The following BORCS5 variants were observed in gnomAD, a reference collection of about 807,000 sequenced individuals.
BORCS5 encodes the protein BLOC-1-related complex subunit 5.
A neutral mutation model predicts 22.1 loss-of-function variants in BORCS5; 17 were observed. The ratio of observed to expected loss-of-function variants is 0.77; its 90% CI spans 0.53 to 1.15. The LOEUF (loss-of-function observed/expected upper bound fraction) is 1.15, where lower values mean the gene tolerates loss of function less well. BORCS5 is among the 50% of genes most tolerant of loss of function. The pLI, the probability that BORCS5 is intolerant of heterozygous loss-of-function variation, is 0.00. For synonymous variants in BORCS5, 117 were observed against 99.8 expected (o/e 1.17, Z -1.03); for missense variants, 247 against 253.2 (o/e 0.98, Z 0.17).
intron 2 of BORCS5, among the ~76,000 whole-genome samples, chr12:12,398,202 G>A (rs1228109520): frequency 6.6e-6 from 1 of 152,172 alleles, no homozygotes; most frequent in Admixed American, 6.5e-5. Context: ...CTGAGCAAAC[G>A]TTTTGGGAGA....
intron 2 of BORCS5, among the ~76,000 whole-genome samples, chr12:12,378,714 T>C (rs1424418923): frequency 6.6e-6 from 1 of 151,202 alleles, no homozygotes; most frequent in African/African-American, 2.4e-5. Flanking sequence ...TGTAGTTTAG[T>C]TGATTATATT....
chr12:12,387,081 T>G (rs1565854214), intron 2 of BORCS5, among the ~76,000 whole-genome samples: 1 of 151,352 alleles, frequency 6.6e-6, no homozygotes, highest in Non-Finnish European at 1.5e-5. Context: ...TTGTTAAGAC[T>G]GGTCTCAAAC....
At chr12:12,393,188 T>C (rs910768274) in intron 2 of BORCS5, among the ~76,000 whole-genome samples, 5 of 152,034 alleles carry the variant, frequency 3.3e-5, no homozygotes, top group Non-Finnish European at 5.9e-5. Flanking sequence ...TGAGCCGAGA[T>C]TGTGCTGCTG....
intron 2 of BORCS5, among the ~76,000 whole-genome samples, chr12:12,392,740 G>C (rs1468637062): frequency 6.6e-6 from 1 of 152,112 alleles, no homozygotes; most frequent in East Asian, 1.9e-4. Flanking sequence ...AATTATTATA[G>C]AAAGTTCTTT....
At position 12,357,249 on chromosome 12, in the gene BORCS5, G is replaced by C. The variant is rs1464541171; in HGVS notation, c.-203G>C. On this transcript the variant is annotated 5_prime_UTR_variant, in exon 1 of 4. Coordinates refer to ENST00000314565, the MANE Select transcript of BORCS5 (RefSeq NM_058169.6). ...TCGCGCCGCGCCTCCTTGCGTTTCTGTTCCCCAAATAGGGCCTCTCCTTCT... is the reference window on the plus strand; with the variant it reads ...TCGCGCCGCGCCTCCTTGCGTTTCTCTTCCCCAAATAGGGCCTCTCCTTCT... 1.4e-6 allele frequency: 2 copies of C among 1,470,502 alleles called. No homozygotes were observed. The highest frequency in any genetic ancestry group is 1.8e-6 in the Non-Finnish European group (2 of 1,113,766). 91.1% of individuals were successfully genotyped at this position (1,470,502 alleles called of 1,614,324 possible).
intron 2 of BORCS5, among the ~76,000 whole-genome samples, chr12:12,418,863 A>G (rs1421534731): frequency 6.6e-6 from 1 of 152,068 alleles, no homozygotes; most frequent in Non-Finnish European, 1.5e-5. Flanking sequence ...TATACATTTA[A>G]AGTACTTAAC....
At chr12:12,360,708 C>A (rs929914631) in intron 1 of BORCS5, among the ~76,000 whole-genome samples, 1 of 151,546 alleles carries the variant, frequency 6.6e-6, no homozygotes, top group African/African-American at 2.4e-5. Flanking sequence ...CCACACCCAG[C>A]CTGAGGTGGC....
At chr12:12,413,409 A>G (rs1415851138) in intron 2 of BORCS5, among the ~76,000 whole-genome samples, 3 of 144,840 alleles carry the variant, frequency 2.1e-5, no homozygotes, top group South Asian at 2.2e-4. Flanking sequence ...AAGGTCACAG[A>G]TCAACAGGAT....
At position 12,357,367 on chromosome 12, in the gene BORCS5, G is replaced by T; in HGVS notation, c.-85G>T. ...AGACTCTGCTTTGCCTCCCCGTCCC[G>T]GTCCCTGGCCCCTGCCCTGTCGCCC... On this transcript the variant is annotated 5_prime_UTR_variant, in exon 1 of 4. Transcript: ENST00000314565. The T allele has an allele frequency of 6.5e-7, 1 of 1,533,816 alleles. No individual in the cohort carries two copies. The highest frequency in any genetic ancestry group is 2.4e-5 in the East Asian group (1 of 42,034).
chr12:12,359,671 TAAA>T (rs56798094), intron 1 of BORCS5, among the ~76,000 whole-genome samples: 1 of 138,096 alleles, frequency 7.2e-6, no homozygotes, highest in Non-Finnish European at 1.6e-5. Context: ...CGCCTTGACT[TAAA>T]AAAAAAAAAA....
intron 2 of BORCS5, among the ~76,000 whole-genome samples, chr12:12,384,372 AT>A (rs772010682): frequency 6.9e-6 from 1 of 145,686 alleles, no homozygotes; most frequent in Non-Finnish European, 1.5e-5. Flanking sequence ...TTTTATTATG[AT>A]TTTCTGTAGT....
Position 12,387,243 on chromosome 12 carries a change from A to G in BORCS5, c.202+25894A>G, listed in dbSNP as rs1198790759. The stretch of plus-strand genomic sequence containing the variant: ...CTTATGGATATACCATAGACTGTCT[A>G]TCCATTTGCCAGCTGAAGGAATCGG... On this transcript the variant is annotated intron_variant, in intron 2 of 3. Coordinates refer to ENST00000314565, the MANE Select transcript of BORCS5 (RefSeq NM_058169.6). 2.0e-5 allele frequency among the ~76,000 whole-genome samples: 3 copies of G among 151,260 alleles called. 1 individual carries two copies. Among genetic ancestry groups the G allele is most frequent in the Non-Finnish European group, 4.4e-5 (3 of 67,670 alleles).
intron 3 of BORCS5, among the ~76,000 whole-genome samples, chr12:12,440,348 C>A (rs10845546): frequency 0.62 from 94,813 of 152,052 alleles, 30,745 homozygotes; most frequent in African/African-American, 0.79. Flanking sequence ...TGGCGATAGG[C>A]TGACCCCTCA....
At chr12:12,400,080 C>G (rs1017784434) in intron 2 of BORCS5, among the ~76,000 whole-genome samples, 1 of 152,192 alleles carries the variant, frequency 6.6e-6, no homozygotes, top group African/African-American at 2.4e-5. Flanking sequence ...TACTTAGAAC[C>G]TTGGCTTCGC....
intron 2 of BORCS5, among the ~76,000 whole-genome samples, chr12:12,425,489 G>A (rs1036581634): frequency 1.3e-5 from 2 of 152,172 alleles, no homozygotes; most frequent in Non-Finnish European, 2.9e-5. Flanking sequence ...CAAGGATATG[G>A]AGAACATCCT....
At chr12:12,416,310 A>G (rs1307290464) in intron 2 of BORCS5, among the ~76,000 whole-genome samples, 2 of 149,738 alleles carry the variant, frequency 1.3e-5, no homozygotes, top group East Asian at 2.0e-4. Context: ...TTTTTTTTCT[A>G]TTCTCTATTT....
At chr12:12,368,459 T>C (rs1156282724) in intron 2 of BORCS5, among the ~76,000 whole-genome samples, 2 of 152,102 alleles carry the variant, frequency 1.3e-5, no homozygotes, top group Admixed American at 1.3e-4. Flanking sequence ...TTCTTCTTTT[T>C]TTTGAGATGG....
At chr12:12,404,251 A>G (rs557010955) in intron 2 of BORCS5, among the ~76,000 whole-genome samples, 1 of 152,356 alleles carries the variant, frequency 6.6e-6, no homozygotes, top group South Asian at 2.1e-4. Context: ...AGAGATCTTT[A>G]GCCAAGGCCC....
chr12:12,357,554 C>A, intron 1 of BORCS5, 45 bp downstream of exon 1: 2 of 1,573,424 alleles, frequency 1.3e-6, no homozygotes, highest in African/African-American at 2.7e-5. Context: ...GCCCTGTCCC[C>A]TTGCAGAGCG....
Sources: gnomAD v4.1 joint callset for allele counts (sites outside exome capture counted in the v4.1 genomes callset) on GRCh38, gnomAD v4.1.1 for gene constraint, MANE v1.5 for transcripts, NCBI Gene and HGNC (gene_info 2026-07-23, HGNC 2026-07-21) for gene names.